Variants in KLF12 observed in about 807,000 individuals in gnomAD.
KLF12 encodes the protein Krueppel-like factor 12.
In KLF12, 9 loss-of-function variants were observed where a neutral mutation model predicts 37.8. The observed-to-expected ratio is 0.24, with a 90% CI of 0.14 to 0.42. The LOEUF (loss-of-function observed/expected upper bound fraction) is 0.42. KLF12 is among the 10% of genes least tolerant of loss of function. KLF12 has a pLI of 1.00. For synonymous variants in KLF12, 208 were observed against 202.1 expected (o/e 1.03, Z -0.25); for missense variants, 411 against 516.0 (o/e 0.80, Z 1.97).
Position 73,994,472 on chromosome 13 carries a change from CCA to C in KLF12, c.33+516_33+517del, listed in dbSNP as rs370470466. On this transcript the variant is annotated intron_variant, in intron 2 of 7. Coordinates refer to ENST00000377669, the MANE Select transcript of KLF12 (RefSeq NM_007249.5). ...ACTGTTGAAATTCACAGCGCCCCCC[CCA>C]CCACCACACTTTCATTCATACTGTA... 3.5e-3 allele frequency among the ~76,000 whole-genome samples: 508 copies of C among 146,788 alleles called. 1 individual carries two copies. Among genetic ancestry groups the C allele is most frequent in the Middle Eastern group, 3.5e-3 (1 of 282 alleles).
chr13:74,028,454 G>A (rs1893032377), intron 1 of KLF12, among the ~76,000 whole-genome samples: 1 of 152,050 alleles, frequency 6.6e-6, no homozygotes. Context: ...AAGTAAATGT[G>A]GTGGTTTCAC....
At chr13:73,774,281 T>C (rs111792488) in intron 5 of KLF12, among the ~76,000 whole-genome samples, 27 of 122,036 alleles carry the variant, frequency 2.2e-4, no homozygotes, top group African/African-American at 1.1e-3. Context: ...ACTATATATA[T>C]ATACACACAC....
At chr13:74,198,649 A>AT in the KLF12 span, among the ~76,000 whole-genome samples, 1 of 152,122 alleles carries the variant, frequency 6.6e-6, no homozygotes, top group Admixed American at 6.5e-5. Context: ...TGTTTCTAGT[A>AT]TTTTTTATTG....
the KLF12 span, among the ~76,000 whole-genome samples, chr13:74,262,019 C>T: frequency 6.6e-6 from 1 of 152,198 alleles, no homozygotes; most frequent in Non-Finnish European, 1.5e-5. Context: ...GTGTGGCTCA[C>T]TGCACTGGGG....
At chr13:74,120,713 A>AT (rs1877579063) in intron 1 of KLF12, among the ~76,000 whole-genome samples, 1 of 152,076 alleles carries the variant, frequency 6.6e-6, no homozygotes, top group African/African-American at 2.4e-5. Flanking sequence ...TATAACATGT[A>AT]TAAGTAAAAT....
chr13:74,097,347 T>C (rs1254281232), intron 1 of KLF12, among the ~76,000 whole-genome samples: 2 of 152,198 alleles, frequency 1.3e-5, no homozygotes, highest in Non-Finnish European at 2.9e-5. Flanking sequence ...GATCATTTTA[T>C]ACTGTACATC....
chr13:73,938,619 T>A (rs1890056239), intron 3 of KLF12, among the ~76,000 whole-genome samples: 1 of 152,230 alleles, frequency 6.6e-6, no homozygotes, highest in African/African-American at 2.4e-5. Context: ...GCTCTGCTCT[T>A]AAGGAAGTTA....
At chr13:73,712,067 G>A (rs1418835815) in intron 7 of KLF12, among the ~76,000 whole-genome samples, 1 of 152,104 alleles carries the variant, frequency 6.6e-6, no homozygotes, top group South Asian at 2.1e-4. Context: ...AGCCGGGCGC[G>A]GTGGCTCACG....
the KLF12 span, among the ~76,000 whole-genome samples, chr13:74,244,495 C>T: frequency 2.6e-5 from 4 of 152,134 alleles, no homozygotes; most frequent in African/African-American, 9.7e-5. Context: ...AGGATGAGAC[C>T]GTTGAGGTAA....
intron 4 of KLF12, 80 bp from the exon 5 acceptor site, chr13:73,813,367 G>T: frequency 6.8e-7 from 1 of 1,460,496 alleles, no homozygotes; most frequent in Non-Finnish European, 9.5e-7. Flanking sequence ...ATCAAGTATG[G>T]AACTTCTGTG....
chr13:74,022,647 T>A, intron 1 of KLF12, among the ~76,000 whole-genome samples: 1 of 139,484 alleles, frequency 7.2e-6, no homozygotes, highest in African/African-American at 2.7e-5. Flanking sequence ...GTGCAGAAAA[T>A]AGGAGGGAAA....
intron 7 of KLF12, among the ~76,000 whole-genome samples, chr13:73,701,184 C>T (rs1007929360): frequency 6.6e-6 from 1 of 152,054 alleles, no homozygotes; most frequent in African/African-American, 2.4e-5. Flanking sequence ...GGAGTCAGAC[C>T]CCTCCCAGGG....
the KLF12 span, among the ~76,000 whole-genome samples, chr13:74,252,761 C>T: frequency 6.6e-6 from 1 of 152,136 alleles, no homozygotes; most frequent in Admixed American, 6.5e-5. Flanking sequence ...TTCCTCCTTC[C>T]CATCCTCCCT....
chr13:73,856,830 TACA>T (rs1303599039), intron 3 of KLF12, among the ~76,000 whole-genome samples: 2 of 151,792 alleles, frequency 1.3e-5, no homozygotes, highest in African/African-American at 2.4e-5. Context: ...CTACTAAAAA[TACA>T]ACAATTAGCT....
the KLF12 span, among the ~76,000 whole-genome samples, chr13:74,253,385 T>C: frequency 9.4e-3 from 1,427 of 152,296 alleles, 11 homozygotes; most frequent in Middle Eastern, 0.024. Context: ...GTGAAGACTT[T>C]GAAACCACAA....
chr13:73,939,143 G>A (rs74580753), intron 3 of KLF12, among the ~76,000 whole-genome samples: 12,068 of 152,214 alleles, frequency 0.079, 658 homozygotes, highest in Non-Finnish European at 0.12. Context: ...CAACACCCTT[G>A]CAGTTAGTGT....
At chr13:73,738,044 CACAT>C (rs1214265221) in intron 6 of KLF12, among the ~76,000 whole-genome samples, 5 of 96,968 alleles carry the variant, frequency 5.2e-5, no homozygotes, top group East Asian at 5.2e-4. Flanking sequence ...CACACACACA[CACAT>C]ACGTGTGTAT....
the KLF12 span, among the ~76,000 whole-genome samples, chr13:74,233,787 A>G: frequency 6.6e-6 from 1 of 152,222 alleles, no homozygotes; most frequent in African/African-American, 2.4e-5. Flanking sequence ...AATGTTTAAT[A>G]ATATTAAAAA....
chr13:74,163,930 A>C, the KLF12 span, among the ~76,000 whole-genome samples: 2 of 152,102 alleles, frequency 1.3e-5, no homozygotes, highest in African/African-American at 4.8e-5. Flanking sequence ...ATAAGAAAGA[A>C]AAAGTAAAGA....
Sources: gnomAD v4.1 joint callset for allele counts (sites outside exome capture counted in the v4.1 genomes callset) on GRCh38, gnomAD v4.1.1 for gene constraint, MANE v1.5 for transcripts, NCBI Gene and HGNC (gene_info 2026-07-23, HGNC 2026-07-21) for gene names.